PDCD2L: variants seen among roughly 807,000 people sequenced by gnomAD.
PDCD2L encodes the protein uS5 assembly chaperone PDCD2L.
A neutral mutation model predicts 40.4 loss-of-function variants in PDCD2L; 44 were observed. The ratio of observed to expected loss-of-function variants is 1.09; its 90% CI spans 0.86 to 1.40. PDCD2L has a LOEUF of 1.40. Among genes scored for constraint, PDCD2L ranks in the 40% most tolerant of loss-of-function variants. PDCD2L has a pLI of 0.00. For missense variants in PDCD2L, 470 were observed against 453.7 expected, an observed-to-expected ratio of 1.04 and a Z score of -0.33; for synonymous variants, 194 against 174.6, an observed-to-expected ratio of 1.11 and a Z score of -0.88.
intron 3 of PDCD2L, among the ~76,000 whole-genome samples, 160 bp downstream of exon 3, chr19:34,405,150 T>G (rs2075068179): frequency 6.8e-6 from 1 of 147,536 alleles, no homozygotes. Flanking sequence ...AAAGTTTTTT[T>G]TTTTTTTTTT....
intron 6 of PDCD2L, 83 bp from the exon 7 acceptor site, chr19:34,425,907 C>A: frequency 7.1e-7 from 1 of 1,416,364 alleles, no homozygotes. Flanking sequence ...ACTTTTTCAG[C>A]TTATAAGGTA....
chr19:34,411,062 T>G (rs965856137), intron 4 of PDCD2L, among the ~76,000 whole-genome samples: 23 of 151,738 alleles, frequency 1.5e-4, no homozygotes, highest in Non-Finnish European at 2.8e-4. Context: ...GGATTACAGG[T>G]GTGAGCCACC....
chr19:34,412,094 A>G (rs1476648983), intron 4 of PDCD2L, among the ~76,000 whole-genome samples: 1 of 151,472 alleles, frequency 6.6e-6, no homozygotes, highest in Non-Finnish European at 1.5e-5. Flanking sequence ...ATCTCAGCTC[A>G]TTGCAACCTC....
chr19:34,421,752 T>C, intron 6 of PDCD2L, 85 bp downstream of exon 6: 1 of 1,459,726 alleles, frequency 6.9e-7, no homozygotes, highest in Non-Finnish European at 9.2e-7. Context: ...ACTTATAAAA[T>C]ATCATAAGCA....
At chr19:34,422,663 A>G (rs2075157488) in intron 6 of PDCD2L, among the ~76,000 whole-genome samples, 1 of 152,150 alleles carries the variant, frequency 6.6e-6, no homozygotes, top group African/African-American at 2.4e-5. Flanking sequence ...TTTTTGTACA[A>G]ATTAACAGAA....
At chr19:34,415,478 T>C (rs1246887393) in intron 5 of PDCD2L, among the ~76,000 whole-genome samples, 1 of 152,100 alleles carries the variant, frequency 6.6e-6, no homozygotes, top group Non-Finnish European at 1.5e-5. Flanking sequence ...ATAGAGCTAT[T>C]TTAGGTAGGC....
Position 34,421,576 on chromosome 19 carries a change from G to A in PDCD2L, c.855G>A (p.Glu285=), listed in dbSNP as rs747900588. The A allele has an allele frequency of 1.9e-6, 3 of 1,614,090 alleles. No individual in the cohort carries two copies. The Admixed American group carries it at 5.0e-5, about 27-fold the overall frequency. Residue 285 remains glutamate, a synonymous_variant, in exon 6 of 7, where the codon GAG becomes GAA. Coordinates refer to ENST00000246535, the MANE Select transcript of PDCD2L (RefSeq NM_032346.2). ...FLTCPTSEVT[E]LPACSQCGGQ... is the part of the protein sequence containing the mutation. ...CCTGCCCTACATCAGAAGTCACCGAGCTCCCAGCCTGCAGCCAGTGTGGAG... is the reference window on the plus strand; with the variant it reads ...CCTGCCCTACATCAGAAGTCACCGAACTCCCAGCCTGCAGCCAGTGTGGAG...
Position 34,421,755 on chromosome 19 carries a change from C to T in PDCD2L, c.946+88C>T, listed in dbSNP as rs1158637772. ...AACCTTTTGTTTACTTATAAAATAT[C>T]ATAAGCAAATTACAGAAAATTTGGG... On this transcript the variant is annotated intron_variant, in intron 6 of 6. Transcript: ENST00000246535. 5 of 1,444,644 alleles carry T rather than the reference C, an allele frequency of 3.5e-6. No homozygotes were observed. In the South Asian group the frequency reaches 5.6e-5, roughly 16 times the overall value. The allele number at this position is 1,444,644 out of a possible 1,614,324, so 89.5% of individuals were successfully genotyped here.
intron 4 of PDCD2L, among the ~76,000 whole-genome samples, chr19:34,413,177 T>C (rs1296751513): frequency 6.6e-6 from 1 of 151,954 alleles, no homozygotes; most frequent in African/African-American, 2.4e-5. Flanking sequence ...GAGCTGGGAT[T>C]ACAGGCGCCC....
At chr19:34,406,030 T>C (rs761269997) in intron 3 of PDCD2L, among the ~76,000 whole-genome samples, 7 of 152,200 alleles carry the variant, frequency 4.6e-5, no homozygotes, top group Non-Finnish European at 1.0e-4. Context: ...TAGTGCCAGC[T>C]ACTCAGGAGG....
At position 34,405,124 on chromosome 19, in the gene PDCD2L, A is replaced by G. The variant is rs572831149; in HGVS notation, c.336+134A>G. On this transcript the variant is annotated intron_variant, in intron 3 of 6. Coordinates refer to ENST00000246535, the MANE Select transcript of PDCD2L (RefSeq NM_032346.2). ...GTTTTTTGCTTTTCTGAAGAACCAT[A>G]AAATGCTATTTTCGTAAAGTTTTTT... 354 of 815,818 alleles carry G rather than the reference A, an allele frequency of 4.3e-4. 1 individual carries two copies. In the East Asian group the frequency reaches 9.9e-3, roughly 23 times the overall value. The allele number at this position is 815,818 out of a possible 1,614,324, so 50.5% of individuals were successfully genotyped here.
At chr19:34,405,090 C>T (rs1022546641) in intron 3 of PDCD2L, 100 bp downstream of exon 3, 3 of 1,191,378 alleles carry the variant, frequency 2.5e-6, no homozygotes, top group African/African-American at 3.1e-5. Flanking sequence ...CTTTGAAGTA[C>T]ACTGGAGTGT....
At chr19:34,408,930 C>G (rs2075089106) in intron 3 of PDCD2L, among the ~76,000 whole-genome samples, 1 of 152,128 alleles carries the variant, frequency 6.6e-6, no homozygotes, top group South Asian at 2.1e-4. Flanking sequence ...TGAATAACCC[C>G]TGTACTATAT....
chr19:34,420,627 A>T (rs1397111038), intron 5 of PDCD2L, among the ~76,000 whole-genome samples: 4 of 149,642 alleles, frequency 2.7e-5, no homozygotes, highest in African/African-American at 4.9e-5. Context: ...GTCTCTACAA[A>T]TTTTTTTTTT....
Position 34,409,479 on chromosome 19 carries a change from G to T in PDCD2L, c.655G>T (p.Gly219Cys). ...TCTGAGGGACTATCAGCAGAGAGAA[G>T]GCATTGCCATGGATCAGTTGCTTTC... ...SLLRDYQQRE[G>C]IAMDQLLSQS... The change falls in exon 4 of 7, where the codon GGC becomes TGC. Residue 219 changes from glycine (G) to cysteine (C), a missense_variant. Gly to Cys is a radical substitution (Grantham distance 159, BLOSUM62 -3). Coordinates refer to ENST00000246535, the MANE Select transcript of PDCD2L (RefSeq NM_032346.2). The T allele has an allele frequency of 6.2e-7, 1 of 1,614,112 alleles. No individual in the cohort carries two copies. Among genetic ancestry groups the T allele is most frequent in the East Asian group, 2.2e-5 (1 of 44,882 alleles).
chr19:34,408,476 C>T (rs576273762), intron 3 of PDCD2L, among the ~76,000 whole-genome samples: 36 of 152,170 alleles, frequency 2.4e-4, no homozygotes, highest in Admixed American at 5.2e-4. Flanking sequence ...ATTACGGGCA[C>T]GTGCCACCAT....
At chr19:34,423,614 C>T (rs1163966756) in intron 6 of PDCD2L, among the ~76,000 whole-genome samples, 1 of 151,256 alleles carries the variant, frequency 6.6e-6, no homozygotes, top group Non-Finnish European at 1.5e-5. Flanking sequence ...CCTGCCTCAG[C>T]CTCTTGAGTA....
intron 2 of PDCD2L, 56 bp downstream of exon 2, chr19:34,404,871 C>A: frequency 6.2e-7 from 1 of 1,609,280 alleles, no homozygotes; most frequent in Non-Finnish European, 8.5e-7. Context: ...CGGGCTGGGG[C>A]GGGCCGGCGG....
chr19:34,404,644 C>T lies in PDCD2L; in HGVS notation c.109-5C>T, dbSNP rs1205703050. The T allele has an allele frequency of 1.2e-6, 2 of 1,610,044 alleles. No individual in the cohort carries two copies. Among genetic ancestry groups the T allele is most frequent in the African/African-American group, 1.3e-5 (1 of 75,020 alleles). On this transcript the variant is annotated splice_polypyrimidine_tract_variant and splice_region_variant and intron_variant, in intron 1 of 6. Transcript: ENST00000246535. ...GGGGTCTGAGCGCCTCCTCTGTCCC[C>T]TCAGGATGCTCTGCCCACCGTGGCT...
Sources: allele counts gnomAD v4.1 joint callset (sites outside exome capture counted in the v4.1 genomes callset), GRCh38; gene constraint gnomAD v4.1.1; transcripts MANE v1.5; gene names NCBI Gene and HGNC (gene_info 2026-07-23, HGNC 2026-07-21).